B4GALNT3: variants seen among roughly 807,000 people sequenced by gnomAD.
B4GALNT3 encodes the protein beta-1,4-N-acetylgalactosaminyltransferase 3.
Under a neutral mutation model 120.2 loss-of-function variants are expected in B4GALNT3, and 86 were observed. That is an observed-to-expected ratio of 0.72 (90% CI 0.60 to 0.86). The LOEUF is 0.86. B4GALNT3 is among the 40% of genes least tolerant of loss of function. B4GALNT3 has a pLI of 0.00. For missense variants in B4GALNT3, 1,167 were observed against 1,298.9 expected, an observed-to-expected ratio of 0.90 and a Z score of 1.56; for synonymous variants, 518 against 510.4, an observed-to-expected ratio of 1.01 and a Z score of -0.20.
chr12:500,833 G>A (rs1333276011), intron 1 of B4GALNT3, among the ~76,000 whole-genome samples: 3 of 138,246 alleles, frequency 2.2e-5, no homozygotes, highest in African/African-American at 8.2e-5. Flanking sequence ...CTCACCCCTG[G>A]ATAAATCTGA....
intron 1 of B4GALNT3, among the ~76,000 whole-genome samples, chr12:472,976 CTTTTTTTTT>C (rs71439341): frequency 6.8e-6 from 1 of 146,664 alleles, no homozygotes; most frequent in Non-Finnish European, 1.5e-5. Context: ...TGTTCAAACA[CTTTTTTTTT>C]TTTTTTTTTT....
At chr12:557,570 G>A (rs746966398) in intron 15 of B4GALNT3, 38 bp from the exon 16 acceptor site, 1 of 1,588,134 alleles carries the variant, frequency 6.3e-7, no homozygotes. Flanking sequence ...TCTTTGCCTT[G>A]TCTGTGTTTC....
chr12:535,389 GCC>G, intron 2 of B4GALNT3, 120 bp downstream of exon 2: 1 of 772,398 alleles, frequency 1.3e-6, no homozygotes, highest in African/African-American at 1.7e-5. Flanking sequence ...AGGATAAACA[GCC>G]CCCAGAGTCC....
intron 1 of B4GALNT3, among the ~76,000 whole-genome samples, chr12:509,503 G>C (rs1021147425): frequency 6.6e-6 from 1 of 152,186 alleles, no homozygotes; most frequent in African/African-American, 2.4e-5. Flanking sequence ...CTTGCTCTCA[G>C]GGTGTCTTTA....
At chr12:480,699 CCCT>C (rs1946234278) in intron 1 of B4GALNT3, among the ~76,000 whole-genome samples, 3 of 123,712 alleles carry the variant, frequency 2.4e-5, no homozygotes, top group Admixed American at 1.8e-4. Flanking sequence ...CTGTCCTCAC[CCCT>C]CCTCCTGTCA....
At chr12:551,631 C>T (rs901598814) in intron 11 of B4GALNT3, among the ~76,000 whole-genome samples, 4 of 152,000 alleles carry the variant, frequency 2.6e-5, no homozygotes, top group East Asian at 1.9e-4. Flanking sequence ...GTGGTGACCA[C>T]GAGCTATGTT....
At chr12:558,446 G>A (rs1269248680) in intron 17 of B4GALNT3, 62 bp from the exon 18 acceptor site, 16 of 1,514,814 alleles carry the variant, frequency 1.1e-5, no homozygotes, top group Middle Eastern at 2.1e-4. Flanking sequence ...CTCCTAGACG[G>A]CGACCTGACC....
chr12:501,094 C>G (rs1241119133), intron 1 of B4GALNT3, among the ~76,000 whole-genome samples: 1 of 151,920 alleles, frequency 6.6e-6, no homozygotes, highest in African/African-American at 2.4e-5. Context: ...AGGCTGGTCT[C>G]GAACTCCCAA....
chr12:510,802 G>A (rs77637096), intron 1 of B4GALNT3, among the ~76,000 whole-genome samples: 19 of 151,940 alleles, frequency 1.3e-4, no homozygotes, highest in Non-Finnish European at 2.1e-4. Context: ...GCTATAAGTC[G>A]GCCAGCCTCA....
rs4991140 is a variant in B4GALNT3 at position 550,395 on chromosome 12, G to C, written c.997+483G>C. On this transcript the variant is annotated intron_variant, in intron 10 of 19. Coordinates refer to ENST00000266383, the MANE Select transcript of B4GALNT3 (RefSeq NM_173593.4). This position sits in a 1 kb window ranked among gnomAD's most constrained non-coding sequence, Gnocchi z 4.1. ...TCCTGGCACTTTGGGATGCTGAGGTGGGAGGATCGCTTGAGCCCAGGAGGT... is the reference window on the plus strand; with the variant it reads ...TCCTGGCACTTTGGGATGCTGAGGTCGGAGGATCGCTTGAGCCCAGGAGGT... Among the ~76,000 whole-genome samples, 19,817 of 152,108 alleles carry C rather than the reference G, an allele frequency of 0.13. 1,584 individuals carry two copies. Among genetic ancestry groups the C allele is most frequent in the Admixed American group, 0.25 (3,771 of 15,270 alleles).
intron 1 of B4GALNT3, among the ~76,000 whole-genome samples, chr12:508,445 A>G (rs760810257): frequency 8.5e-5 from 13 of 152,102 alleles, no homozygotes; most frequent in Non-Finnish European, 1.9e-4. Context: ...ATGCCTGGCT[A>G]ATTTTTAAAA....
intron 1 of B4GALNT3, among the ~76,000 whole-genome samples, chr12:507,889 C>T (rs1946513739): frequency 6.6e-6 from 1 of 151,178 alleles, no homozygotes; most frequent in East Asian, 1.9e-4. Flanking sequence ...GACACCTGCC[C>T]CTGGAAATCC....
chr12:517,712 T>G (rs541213211), intron 1 of B4GALNT3, among the ~76,000 whole-genome samples: 1 of 152,264 alleles, frequency 6.6e-6, no homozygotes, highest in South Asian at 2.1e-4. Context: ...AGTTATGTAC[T>G]TGTCATGTTA....
intron 1 of B4GALNT3, among the ~76,000 whole-genome samples, chr12:487,828 T>G (rs1946304605): frequency 6.6e-6 from 1 of 151,460 alleles, no homozygotes; most frequent in Non-Finnish European, 1.5e-5. Flanking sequence ...CATGGTGACA[T>G]GCGCCCAGCT....
intron 1 of B4GALNT3, among the ~76,000 whole-genome samples, chr12:466,226 C>T (rs941129308): frequency 1.3e-5 from 2 of 152,114 alleles, no homozygotes; most frequent in Admixed American, 6.5e-5. Flanking sequence ...TCTGGAGAGG[C>T]TGGTAAGTAC....
At chr12:524,715 C>T (rs150347213) in intron 1 of B4GALNT3, among the ~76,000 whole-genome samples, 3 of 151,974 alleles carry the variant, frequency 2.0e-5, no homozygotes, top group South Asian at 2.1e-4. Flanking sequence ...TGTTGTAGTT[C>T]TTGGGCAGAT....
chr12:540,337 TGGAG>T (rs1946901665), intron 3 of B4GALNT3: 1 of 152,226 alleles, frequency 6.6e-6, no homozygotes, highest in Non-Finnish European at 1.5e-5. Flanking sequence ...GCTAATAGAA[TGGAG>T]GAAGATACTG....
intron 1 of B4GALNT3, among the ~76,000 whole-genome samples, chr12:474,336 G>A (rs1188210916): frequency 1.3e-5 from 2 of 152,092 alleles, no homozygotes; most frequent in African/African-American, 2.4e-5. Context: ...AACTAACCCC[G>A]TCCCCTCCCT....
chr12:552,595 A>T (rs568968009), intron 13 of B4GALNT3, 67 bp downstream of exon 13: 1 of 1,511,496 alleles, frequency 6.6e-7, no homozygotes, highest in Non-Finnish European at 9.1e-7. Context: ...TTTCCAGGGG[A>T]TGTTCAGACC....
Sources: gnomAD v4.1 joint callset for allele counts (sites outside exome capture counted in the v4.1 genomes callset) on GRCh38, gnomAD v4.1.1 for gene constraint, Gnocchi (gnomAD v3.1) non-coding constraint, MANE v1.5 for transcripts, NCBI Gene and HGNC (gene_info 2026-07-23, HGNC 2026-07-21) for gene names.